The following USP15 variants were observed in gnomAD, a reference collection of about 807,000 sequenced individuals.
USP15 encodes the protein ubiquitin specific peptidase 15.
Under a neutral mutation model 127.1 loss-of-function variants are expected in USP15, and 18 were observed. The observed-to-expected ratio is 0.14, with a 90% CI of 0.10 to 0.21. The LOEUF is 0.21. USP15 is among the 10% of genes least tolerant of loss of function. The pLI, the probability that USP15 is intolerant of heterozygous loss-of-function variation, is 1.00. For missense variants in USP15, 805 were observed against 1,159.9 expected (o/e 0.69, Z 4.44); for synonymous variants, 364 against 393.7 (o/e 0.92, Z 0.89).
intron 6 of USP15, among the ~76,000 whole-genome samples, chr12:62,330,444 G>A (rs2065255719): frequency 6.6e-6 from 1 of 151,570 alleles, no homozygotes; most frequent in Non-Finnish European, 1.5e-5. Context: ...CAAAAATTAG[G>A]CATGGTAACA....
chr12:62,404,132 A>T lies in USP15; in HGVS notation c.2764-61A>T, dbSNP rs373585612. On this transcript the variant is annotated intron_variant, in intron 21 of 21. Transcript: ENST00000280377. ...AAAATTGGTGACCAGCTAAAAATTCATAATGTATTTAACGTGATCTTTGAG... is the reference window on the plus strand; with the variant it reads ...AAAATTGGTGACCAGCTAAAAATTCTTAATGTATTTAACGTGATCTTTGAG... 3 of 1,386,042 alleles carry T rather than the reference A, an allele frequency of 2.2e-6. No homozygotes were observed. In the African/African-American group the frequency reaches 4.4e-5, roughly 20 times the overall value. 85.9% of individuals were successfully genotyped at this position (1,386,042 alleles called of 1,614,324 possible).
intron 8 of USP15, among the ~76,000 whole-genome samples, chr12:62,372,097 C>T (rs1320849585): frequency 6.6e-6 from 1 of 152,108 alleles, no homozygotes; most frequent in Non-Finnish European, 1.5e-5. Flanking sequence ...TTGCAAAACA[C>T]TGCATTAGAA....
At chr12:62,395,793 A>G (rs2067471662) in intron 19 of USP15, among the ~76,000 whole-genome samples, 1 of 151,726 alleles carries the variant, frequency 6.6e-6, no homozygotes, top group East Asian at 1.9e-4. Flanking sequence ...CATAATCTCC[A>G]GTTCCATCCA....
At chr12:62,304,036 T>G (rs987469677) in intron 3 of USP15, among the ~76,000 whole-genome samples, 1 of 151,364 alleles carries the variant, frequency 6.6e-6, no homozygotes, top group Non-Finnish European at 1.5e-5. Flanking sequence ...AAAATTTGTG[T>G]CCAAAATATC....
At chr12:62,353,158 T>A (rs2066012382) in intron 7 of USP15, among the ~76,000 whole-genome samples, 1 of 152,112 alleles carries the variant, frequency 6.6e-6, no homozygotes, top group Non-Finnish European at 1.5e-5. Context: ...CCGATCAAGA[T>A]ATTAAAGTAT....
At chr12:62,325,030 A>C (rs929560818) in intron 5 of USP15, among the ~76,000 whole-genome samples, 1 of 151,984 alleles carries the variant, frequency 6.6e-6, no homozygotes, top group African/African-American at 2.4e-5. Flanking sequence ...TTTTCAATGG[A>C]AATTGTAGAT....
At chr12:62,340,869 G>C (rs1238259468) in intron 6 of USP15, among the ~76,000 whole-genome samples, 1 of 152,168 alleles carries the variant, frequency 6.6e-6, no homozygotes, top group East Asian at 1.9e-4. Context: ...GTGGTGAAGA[G>C]TTTGTAGATG....
rs1375065360 is a variant in USP15 at position 62,411,696 on chromosome 12, T to C, written c.*7321T>C. On this transcript the variant is annotated 3_prime_UTR_variant, in exon 22 of 22. Transcript: ENST00000280377. ...ACAAACACAGACTGGGTGGCTTAAA[T>C]AACAGAAATTTATATTTTCACAGTT... is the stretch of plus-strand genomic sequence containing the variant. 2 of 152,186 alleles carry C rather than the reference T, an allele frequency of 1.3e-5. No individual in the cohort carries two copies. Among genetic ancestry groups the C allele is most frequent in the Non-Finnish European group, 2.9e-5 (2 of 68,034 alleles). The allele number at this position is 152,186 out of a possible 1,614,324, so 9.4% of individuals were successfully genotyped here.
intron 1 of USP15, among the ~76,000 whole-genome samples, chr12:62,286,474 T>C (rs1397276259): frequency 6.6e-6 from 1 of 152,138 alleles, no homozygotes; most frequent in Non-Finnish European, 1.5e-5. Flanking sequence ...TTTGGAGATT[T>C]CTCAAAGAAC....
chr12:62,381,918 A>C (rs2067001983), intron 9 of USP15, among the ~76,000 whole-genome samples: 1 of 152,032 alleles, frequency 6.6e-6, no homozygotes, highest in African/African-American at 2.4e-5. Flanking sequence ...ATAATGAAAA[A>C]AAGTTGAAAA....
At chr12:62,286,186 T>A (rs963622083) in intron 1 of USP15, among the ~76,000 whole-genome samples, 6 of 151,456 alleles carry the variant, frequency 4.0e-5, no homozygotes, top group Non-Finnish European at 8.8e-5. Flanking sequence ...AGGAACTTAA[T>A]AAGAAAAAAA....
At chr12:62,264,150 A>G (rs2063141732) in intron 1 of USP15, among the ~76,000 whole-genome samples, 1 of 152,072 alleles carries the variant, frequency 6.6e-6, no homozygotes, top group Admixed American at 6.5e-5. Context: ...ACGCCCAGCT[A>G]ATTTTTTATT....
intron 8 of USP15, among the ~76,000 whole-genome samples, chr12:62,355,747 C>T (rs550169977): frequency 4.3e-4 from 63 of 147,910 alleles, no homozygotes; most frequent in Middle Eastern, 3.5e-3. Context: ...CTTAAGCTGT[C>T]TAAAAAGGGA....
At position 62,260,453 on chromosome 12, in the gene USP15, G is replaced by A. The variant is rs2063007654; in HGVS notation, c.39G>A (p.Arg13=). Reference sequence around the variant, plus strand: ...GAGCGGCGGATCTGGACACCCAGCGGTCTGACATCGCGACGCTGCTCAAAA... The same window carrying A: ...GAGCGGCGGATCTGGACACCCAGCGATCTGACATCGCGACGCTGCTCAAAA... ...EGGAADLDTQ[R]SDIATLLKTS... is the part of the protein sequence containing the mutation. Residue 13 remains arginine (R), a synonymous_variant, in exon 1 of 22, where the codon CGG becomes CGA. Transcript: ENST00000280377. 2 of 1,552,038 alleles carry A rather than the reference G, an allele frequency of 1.3e-6. No individual in the cohort carries two copies. The highest frequency in any genetic ancestry group is 2.7e-5 in the African/African-American group (2 of 73,090).
chr12:62,376,345 T>G (rs2066827876), intron 8 of USP15, among the ~76,000 whole-genome samples: 1 of 152,178 alleles, frequency 6.6e-6, no homozygotes, highest in Non-Finnish European at 1.5e-5. Flanking sequence ...GCTTTATTTT[T>G]AACATATTTA....
intron 6 of USP15, among the ~76,000 whole-genome samples, chr12:62,347,565 T>A (rs911328659): frequency 2.0e-5 from 3 of 151,956 alleles, no homozygotes; most frequent in African/African-American, 7.2e-5. Flanking sequence ...AATTTAGACG[T>A]TTTTTCCTAA....
chr12:62,408,478 G>A lies in USP15; in HGVS notation c.*4103G>A, dbSNP rs1471486198. 6.6e-6 allele frequency: 1 copy of A among 152,062 alleles called. No individual in the cohort carries two copies. The highest frequency in any genetic ancestry group is 2.4e-5 in the African/African-American group (1 of 41,420). The allele number at this position is 152,062 out of a possible 1,614,324, so 9.4% of individuals were successfully genotyped here. On this transcript the variant is annotated 3_prime_UTR_variant, in exon 22 of 22. Transcript: ENST00000280377. Reference sequence around the variant, plus strand: ...TCTAAAATATCAGAGGAGTGAGAAGGAAAGGAAGAGCTCCTTTCTAGGGCC... The same window carrying A: ...TCTAAAATATCAGAGGAGTGAGAAGAAAAGGAAGAGCTCCTTTCTAGGGCC...
intron 4 of USP15, among the ~76,000 whole-genome samples, chr12:62,317,462 T>C (rs1302781882): frequency 3.3e-5 from 5 of 152,198 alleles, no homozygotes; most frequent in Non-Finnish European, 7.4e-5. Flanking sequence ...CATCTCTCAA[T>C]TGCTGCCTTA....
At chr12:62,389,564 G>C in intron 12 of USP15, 41 bp from the exon 13 acceptor site, 1 of 1,610,844 alleles carries the variant, frequency 6.2e-7, no homozygotes, top group Non-Finnish European at 8.5e-7. Flanking sequence ...TAGTTTCTCA[G>C]TGCTGTAAAA....
Sources: gnomAD v4.1 joint callset for allele counts (sites outside exome capture counted in the v4.1 genomes callset) on GRCh38, gnomAD v4.1.1 for gene constraint, MANE v1.5 for transcripts, NCBI Gene and HGNC (gene_info 2026-07-23, HGNC 2026-07-21) for gene names.